Variants in ERCC5 observed in about 807,000 individuals in gnomAD.
ERCC5 encodes the protein DNA excision repair protein ERCC-5.
In ERCC5, 68 loss-of-function variants were observed where a neutral mutation model predicts 105.6. The observed-to-expected ratio is 0.64, with a 90% confidence interval of 0.53 to 0.79. The LOEUF (loss-of-function observed/expected upper bound fraction) is 0.79. ERCC5 is among the 30% of genes least tolerant of loss of function. ERCC5 has a pLI of 0.00. For missense variants in ERCC5, 1,373 were observed against 1,426.7 expected (o/e 0.96, Z 0.61); for synonymous variants, 546 against 526.2 (o/e 1.04, Z -0.51).
intron 2 of ERCC5, 108 bp downstream of exon 2, chr13:102,852,401 A>G (rs1456731658): frequency 1.6e-6 from 2 of 1,248,610 alleles, no homozygotes; most frequent in East Asian, 4.9e-5. Context: ...TTAGAAACAG[A>G]CTTATTTTGA....
intron 8 of ERCC5, 98 bp downstream of exon 8, chr13:102,863,201 A>T: frequency 7.4e-7 from 1 of 1,358,356 alleles, no homozygotes; most frequent in Non-Finnish European, 1.0e-6. Flanking sequence ...AACTTTTTAC[A>T]GATAAGGAAC....
chr13:102,848,884 G>A (rs1595374578), intron 1 of ERCC5, among the ~76,000 whole-genome samples: 2 of 152,088 alleles, frequency 1.3e-5, no homozygotes. Flanking sequence ...GTAGTTAATT[G>A]AAAAATAAAA....
rs1881947366 is a variant in ERCC5, at chr13:102,846,135, T to A, written c.-132T>A. 1.0e-5 allele frequency: 7 copies of A among 699,586 alleles called. No individual in the cohort carries two copies. The South Asian group carries it at 1.0e-4, about 10-fold the overall frequency. 43.3% of individuals were successfully genotyped at this position (699,586 alleles called of 1,614,324 possible). On this transcript the variant is annotated 5_prime_UTR_variant, in exon 1 of 15. Transcript: ENST00000652225. ...TCCCCCACTGGAAAACCGTGGCTTC[T>A]GTATTATTTGCCATCTTTGTTGTGT...
chr13:102,861,979 A>T (rs758756154), intron 7 of ERCC5, 51 bp from the exon 8 acceptor site: 3 of 1,604,402 alleles, frequency 1.9e-6, no homozygotes, highest in Non-Finnish European at 2.6e-6. Context: ...CTAGAAGCGT[A>T]TTGTCACACT....
intron 5 of ERCC5, among the ~76,000 whole-genome samples, chr13:102,857,623 T>A (rs1882472585): frequency 1.0e-5 from 1 of 97,662 alleles, no homozygotes; most frequent in Non-Finnish European, 2.3e-5. Context: ...ATGTCTTCTG[T>A]GAATTTCTTT....
chr13:102,866,805 T>A lies in ERCC5; in HGVS notation c.2493T>A (p.Phe831Leu). ...VYRNFFNKNKFVEYYQYVDFH... is the reference protein window; with the variant it reads ...VYRNFFNKNKLVEYYQYVDFH... ...GAAACTTTTTTAATAAAAACAAGTT[T>A]GTAGAATATTATCAATATGTGGACT... is the stretch of plus-strand genomic sequence containing the variant. The change falls in exon 11 of 15, where the codon TTT (phenylalanine) becomes TTA (leucine). Residue 831 changes from phenylalanine (F) to leucine (L), a missense_variant. Physicochemically the swap from Phe to Leu is conservative, Grantham distance 22. Transcript: ENST00000652225. 1 of 1,613,690 alleles carries A rather than the reference T, an allele frequency of 6.2e-7. No individual in the cohort carries two copies. Among genetic ancestry groups the A allele is most frequent in the Non-Finnish European group, 8.5e-7 (1 of 1,179,706 alleles).
chr13:102,874,383 G>A (rs1182145944), intron 14 of ERCC5, among the ~76,000 whole-genome samples: 1 of 152,092 alleles, frequency 6.6e-6, no homozygotes, highest in Admixed American at 6.5e-5. Context: ...TCTATGTATT[G>A]TGTGGTTTTC....
Position 102,865,356 on chromosome 13 carries a change from T to C in ERCC5, c.1955-311T>C, listed in dbSNP as rs1006446840. 1.3e-4 allele frequency: 46 copies of C among 361,720 alleles called. No individual in the cohort carries two copies. The highest frequency in any genetic ancestry group is 2.3e-4 in the Non-Finnish European group (44 of 189,092). 22.4% of individuals were successfully genotyped at this position (361,720 alleles called of 1,614,324 possible). A position where few individuals can be genotyped will look rare whatever the true frequency, so the allele number is the denominator to read the frequency against. On this transcript the variant is annotated intron_variant, in intron 8 of 14. Coordinates refer to ENST00000652225, the MANE Select transcript of ERCC5 (RefSeq NM_000123.4). This position sits in a 1 kb window ranked among gnomAD's most constrained non-coding sequence, Gnocchi z 4.0. ...TTATATACTTTGATAATCCTCCTTT[T>C]TGAATTTTTAAAACAATGTCAGTTA...
At position 102,846,095 on chromosome 13, in the gene ERCC5, C is replaced by T. The variant is rs1198167151; in HGVS notation, c.-172C>T. 2 of 606,452 alleles carry T rather than the reference C, an allele frequency of 3.3e-6. No homozygotes were observed. Among genetic ancestry groups the T allele is most frequent in the Non-Finnish European group, 2.9e-6 (1 of 339,532 alleles). 37.6% of individuals were successfully genotyped at this position (606,452 alleles called of 1,614,324 possible). A position where few individuals can be genotyped will look rare whatever the true frequency, so the allele number is the denominator to read the frequency against. On this transcript the variant is annotated 5_prime_UTR_variant, in exon 1 of 15. Coordinates refer to ENST00000652225, the MANE Select transcript of ERCC5 (RefSeq NM_000123.4). ...GCCAGAGTCTCTCCGCTTTAATGCG[C>T]TCCCATTAGTGCCGTCCCCCACTGG...
intron 5 of ERCC5, among the ~76,000 whole-genome samples, chr13:102,856,692 C>T (rs1199649196): frequency 6.6e-6 from 1 of 151,684 alleles, no homozygotes; most frequent in African/African-American, 2.4e-5. Context: ...GTAGATGCAG[C>T]CAGTCTGTAG....
chr13:102,866,709 G>A lies in ERCC5; in HGVS notation c.2397G>A (p.Leu799=). The part of the protein sequence containing the change: ...EAEAQCAILD[L]TDQTSGTITD... ...AGGCGCAGTGCGCCATCCTGGACCT[G>A]ACTGATCAGACTTCCGGAACCATCA... The change falls in exon 11 of 15, where the codon CTG becomes CTA. Residue 799 remains leucine (L), a synonymous_variant. Transcript: ENST00000652225. The A allele has an allele frequency of 2.5e-6, 4 of 1,614,256 alleles. No homozygotes were observed.
intron 6 of ERCC5, 146 bp downstream of exon 6, chr13:102,858,564 G>C (rs750836549): frequency 1.6e-6 from 2 of 1,248,134 alleles, no homozygotes; most frequent in African/African-American, 3.0e-5. Context: ...ATTCTAAGAA[G>C]CATCGTATAT....
chr13:102,853,940 G>C, intron 3 of ERCC5, 68 bp downstream of exon 3: 1 of 1,445,588 alleles, frequency 6.9e-7, no homozygotes, highest in Non-Finnish European at 9.7e-7. Context: ...TTGATTTCCT[G>C]CGATTCTCTT....
rs1156324951 is a variant in ERCC5, at chr13:102,875,509, A to G, written c.3167A>G (p.Gln1056Arg). 1.9e-6 allele frequency: 3 copies of G among 1,614,052 alleles called. No individual in the cohort carries two copies. The highest frequency in any genetic ancestry group is 2.5e-6 in the Non-Finnish European group (3 of 1,179,978). ...ELLDKAKGKT[Q>R]KRGITNTLEE... Reference sequence around the variant, plus strand: ...CTTGATAAGGCAAAAGGAAAAACCCAGAAGAGAGGCATAACAAATACCTTA... The same window carrying G: ...CTTGATAAGGCAAAAGGAAAAACCCGGAAGAGAGGCATAACAAATACCTTA... Residue 1056 changes from glutamine to arginine, a missense_variant, in exon 15 of 15, where the codon CAG (glutamine) becomes CGG (arginine). This residue lies in a region of ERCC5 where 367 missense variants were observed against 350.2 expected (regional missense o/e 1.05). Coordinates refer to ENST00000652225, the MANE Select transcript of ERCC5 (RefSeq NM_000123.4).
intron 1 of ERCC5, chr13:102,849,160 A>C (rs775666021): frequency 7.7e-6 from 4 of 519,052 alleles, no homozygotes; most frequent in South Asian, 5.6e-5. Context: ...AATACAAGAC[A>C]GATGCACATC....
intron 6 of ERCC5, chr13:102,858,840 T>C: frequency 2.2e-6 from 1 of 454,054 alleles, no homozygotes; most frequent in Non-Finnish European, 4.4e-6. Context: ...TAATATACAT[T>C]GTCTATAAAA....
rs945899226 is a variant in ERCC5, at chr13:102,863,170, C to G, written c.1954+67C>G. 5.2e-6 allele frequency: 8 copies of G among 1,548,672 alleles called. No homozygotes were observed. In the East Asian group the frequency reaches 9.4e-5, roughly 18 times the overall value. On this transcript the variant is annotated intron_variant, in intron 8 of 14. Transcript: ENST00000652225. ...TTCCCCTCTGTAGGAATTCAGAGAT[C>G]GGTTAGTGTAGTCCCGTTTTAACTT...
chr13:102,852,717 G>A (rs866578516), intron 2 of ERCC5, among the ~76,000 whole-genome samples: 7 of 152,226 alleles, frequency 4.6e-5, no homozygotes, highest in South Asian at 4.1e-4. Context: ...GATTTTAGGA[G>A]TAAGCAATGT....
intron 5 of ERCC5, among the ~76,000 whole-genome samples, chr13:102,857,391 A>G (rs1313234221): frequency 1.3e-5 from 2 of 152,198 alleles, no homozygotes; most frequent in Non-Finnish European, 1.5e-5. Flanking sequence ...ATTGATATCA[A>G]TGCCTTCCTG....
Sources: allele counts gnomAD v4.1 joint callset (sites outside exome capture counted in the v4.1 genomes callset), GRCh38; gene constraint gnomAD v4.1.1; regional missense constraint gnomAD v4.1.1; non-coding constraint Gnocchi (gnomAD v3.1); transcripts MANE v1.5; gene names NCBI Gene and HGNC (gene_info 2026-07-23, HGNC 2026-07-21).